Variants in SCAMP2 observed in about 807,000 individuals in gnomAD.
SCAMP2 encodes the protein secretory carrier membrane protein 2.
SCAMP2 carries 25 observed loss-of-function variants against 44.1 expected under a neutral mutation model. The observed-to-expected ratio is 0.57, with a 90% CI of 0.41 to 0.79. The LOEUF is 0.79. SCAMP2 is among the 30% of genes least tolerant of loss of function. SCAMP2 has a pLI of 0.00. For synonymous variants in SCAMP2, 156 were observed against 166.0 expected, an observed-to-expected ratio of 0.94 and a Z score of 0.46; for missense variants, 355 against 411.0, an observed-to-expected ratio of 0.86 and a Z score of 1.18.
At position 74,843,894 on chromosome 15, in the gene SCAMP2, G is replaced by A. The variant is rs1331095758; in HGVS notation, c.*1189C>T. The A allele has an allele frequency of 6.6e-6, 1 of 151,808 alleles. No individual in the cohort carries two copies. The highest frequency in any genetic ancestry group is 1.5e-5 in the Non-Finnish European group (1 of 67,792). 9.4% of individuals were successfully genotyped at this position (151,808 alleles called of 1,614,324 possible). ...TGCGGCTGTCTCGGGCCCAGAGCCG[G>A]AGGCTAGTTTTGTGGGAAGGCACCC... On this transcript the variant is annotated 3_prime_UTR_variant, in exon 9 of 9. Transcript: ENST00000268099.
chr15:74,869,322 A>C (rs892368585), intron 1 of SCAMP2, among the ~76,000 whole-genome samples: 2 of 152,132 alleles, frequency 1.3e-5, no homozygotes, highest in Admixed American at 1.3e-4. Context: ...AAAAAAACCA[A>C]TAATAAAAAA....
At chr15:74,854,207 G>GC in intron 2 of SCAMP2, 88 bp from the exon 3 acceptor site, 1 of 1,180,946 alleles carries the variant, frequency 8.5e-7, no homozygotes, top group South Asian at 1.3e-5. Flanking sequence ...TGAGTGATGT[G>GC]CCCCTGCCTG....
intron 3 of SCAMP2, chr15:74,852,856 G>C (rs971793435): frequency 2.0e-5 from 3 of 152,948 alleles, no homozygotes; most frequent in African/African-American, 4.8e-5. Flanking sequence ...GCGGGGTAGA[G>C]CCTCTGAGTA....
In SCAMP2 at chr15:74,846,328, C is replaced by G. The variant is rs560065271; in HGVS notation, c.735-735G>C. On this transcript the variant is annotated intron_variant, in intron 7 of 8. Coordinates refer to ENST00000268099, the MANE Select transcript of SCAMP2 (RefSeq NM_005697.5). Reference sequence around the variant, plus strand: ...GCTGTGGTCATACATGCCTATGCTCCCAGCTACTTGGGATGCTGAGGTAGG... The same window carrying G: ...GCTGTGGTCATACATGCCTATGCTCGCAGCTACTTGGGATGCTGAGGTAGG... Among the ~76,000 whole-genome samples the G allele has an allele frequency of 3.3e-5, 5 of 151,916 alleles. No individual in the cohort carries two copies. The South Asian group carries it at 1.0e-3, about 32-fold the overall frequency.
chr15:74,853,779 C>T (rs1050274374), intron 3 of SCAMP2: 13 of 562,026 alleles, frequency 2.3e-5, no homozygotes, highest in Admixed American at 6.2e-5. Context: ...CCGAGGAGCC[C>T]GGCCTGGTGA....
chr15:74,850,662 T>C lies in SCAMP2; in HGVS notation c.484A>G (p.Thr162Ala). Residue 162 changes from threonine to alanine, a missense_variant, in exon 6 of 9, where the codon ACT (threonine) becomes GCT (alanine). Physicochemically the swap from Thr to Ala is moderately conservative, Grantham distance 58. Coordinates refer to ENST00000268099, the MANE Select transcript of SCAMP2 (RefSeq NM_005697.5). ...LYYLWMLHSVTLFLNLLACLA... is the reference protein window; with the variant it reads ...LYYLWMLHSVALFLNLLACLA... ...CAGGCAAGCAGGTTCAGAAACAGAG[T>C]CACTGAATGCACTGGGGAAGGGGAC... 1 of 1,613,640 alleles carries C rather than the reference T, an allele frequency of 6.2e-7. No individual in the cohort carries two copies. The highest frequency in any genetic ancestry group is 8.5e-7 in the Non-Finnish European group (1 of 1,179,854).
intron 1 of SCAMP2, among the ~76,000 whole-genome samples, chr15:74,855,012 A>G (rs1045321265): frequency 1.4e-4 from 21 of 150,118 alleles, no homozygotes; most frequent in Non-Finnish European, 3.1e-4. Flanking sequence ...GCTGAGGGGC[A>G]AGTGAATGGG....
intron 6 of SCAMP2, among the ~76,000 whole-genome samples, chr15:74,849,609 T>A (rs1230395498): frequency 6.6e-6 from 1 of 151,808 alleles, no homozygotes; most frequent in Non-Finnish European, 1.5e-5. Context: ...CCAGGTGTGA[T>A]TGTGTGTGCC....
In SCAMP2 at chr15:74,863,674, A is replaced by G. The variant is rs77622487; in HGVS notation, c.58-9025T>C. Among the ~76,000 whole-genome samples, 138 of 152,312 alleles carry G rather than the reference A, an allele frequency of 9.1e-4. 3 individuals are homozygous for G. In the East Asian group the frequency reaches 0.025, roughly 28 times the overall value. On this transcript the variant is annotated intron_variant, in intron 1 of 8. Transcript: ENST00000268099. ...CAATCCTCTAAAGGAATCTACCCTC[A>G]AAATGGGACACTTACTATCTCCTCG...
chr15:74,851,560 G>A, intron 4 of SCAMP2, 79 bp from the exon 5 acceptor site: 1 of 1,573,942 alleles, frequency 6.4e-7, no homozygotes, highest in East Asian at 2.3e-5. Flanking sequence ...CCAGCATAGT[G>A]TATGGGCCAA....
At chr15:74,848,149 C>A (rs796396701) in intron 7 of SCAMP2, among the ~76,000 whole-genome samples, 2 of 151,736 alleles carry the variant, frequency 1.3e-5, no homozygotes, top group African/African-American at 4.8e-5. Flanking sequence ...CTCACTGCAG[C>A]CTCAACCTCC....
Position 74,850,544 on chromosome 15 carries a change from C to A in SCAMP2, c.602G>T (p.Cys201Phe). The A allele has an allele frequency of 6.2e-7, 1 of 1,614,086 alleles. No homozygotes were observed. Among genetic ancestry groups the A allele is most frequent in the Non-Finnish European group, 8.5e-7 (1 of 1,179,976 alleles). The change falls in exon 6 of 9, where the codon TGT (cysteine) becomes TTT (phenylalanine). Residue 201 changes from cysteine to phenylalanine, a missense_variant. Cys to Phe is a radical substitution (Grantham distance 205, BLOSUM62 -2). Transcript: ENST00000268099. The part of the protein sequence containing the change: ...FLIFTPCAFL[C>F]WYRPIYKAFR... ...GGCCTTATAGATGGGTCGGTACCAA[C>A]AAAGGAAGGCACAGGGAGTGAAGAT... is the stretch of plus-strand genomic sequence containing the variant.
At chr15:74,846,575 A>G (rs971948774) in intron 7 of SCAMP2, among the ~76,000 whole-genome samples, 22 of 152,212 alleles carry the variant, frequency 1.4e-4, no homozygotes, top group Non-Finnish European at 2.6e-4. Context: ...CATCCTGGCT[A>G]ACACAGTGAA....
In SCAMP2 at chr15:74,854,622, C is replaced by T. The variant is rs773484296; in HGVS notation, c.85G>A (p.Ala29Thr). The T allele has an allele frequency of 2.5e-6, 4 of 1,608,972 alleles. No homozygotes were observed. The highest frequency in any genetic ancestry group is 3.4e-6 in the Non-Finnish European group (4 of 1,177,832). ...AATTCCGCCAGGCCGCCCTGCGGGG[C>T]GTTGGTCAGCTGGGTCACAGAGGGA... ...QDPSVTQLTN[A>T]PQGGLAEFNP... The change falls in exon 2 of 9, where the codon GCC (alanine) becomes ACC (threonine). Residue 29 changes from alanine to threonine, a missense_variant. Transcript: ENST00000268099.
chr15:74,871,522 G>GC (rs2064575172), intron 1 of SCAMP2, among the ~76,000 whole-genome samples: 2 of 152,256 alleles, frequency 1.3e-5, no homozygotes, highest in Admixed American at 1.3e-4. Flanking sequence ...GGAGGCCGAG[G>GC]CAGGTGGATC....
Position 74,845,478 on chromosome 15 carries a change from G to A in SCAMP2, c.850C>T (p.Gln284Ter). 6.2e-7 allele frequency: 1 copy of A among 1,614,168 alleles called. No individual in the cohort carries two copies. Among genetic ancestry groups the A allele is most frequent in the Non-Finnish European group, 8.5e-7 (1 of 1,180,026 alleles). ...GCCCTGCCCACACCACTCACCCGCT[G>A]CAGGAGGAAGACTGAGAGCACGGCA... ...LCAVLSVFLL[Q>*]RVHSLYRRTG... Residue 284 changes from glutamine to a stop codon, truncating the protein, a stop_gained, in exon 8 of 9, where the codon CAG (glutamine) becomes TAG (stop). Coordinates refer to ENST00000268099, the MANE Select transcript of SCAMP2 (RefSeq NM_005697.5). LOFTEE classifies it high-confidence loss of function.
chr15:74,861,641 A>G (rs1244192987), intron 1 of SCAMP2, among the ~76,000 whole-genome samples: 4 of 152,254 alleles, frequency 2.6e-5, no homozygotes, highest in South Asian at 4.1e-4. Context: ...GCTCACGCCT[A>G]TAATCGCAGC....
intron 7 of SCAMP2, among the ~76,000 whole-genome samples, chr15:74,848,212 T>C (rs2064412083): frequency 6.6e-6 from 1 of 151,768 alleles, no homozygotes; most frequent in African/African-American, 2.4e-5. Context: ...GGACTATAGG[T>C]GCATGCCACT....
chr15:74,845,461 C>G lies in SCAMP2; in HGVS notation c.855+12G>C. Reference sequence around the variant, plus strand: ...CCTCCCATTTGCTGTCAGCCCTGCCCACACCACTCACCCGCTGCAGGAGGA... The same window carrying G: ...CCTCCCATTTGCTGTCAGCCCTGCCGACACCACTCACCCGCTGCAGGAGGA... On this transcript the variant is annotated intron_variant, in intron 8 of 8. Transcript: ENST00000268099. The G allele has an allele frequency of 1.9e-6, 3 of 1,614,076 alleles. No homozygotes were observed. Among genetic ancestry groups the G allele is most frequent in the Non-Finnish European group, 2.5e-6 (3 of 1,180,012 alleles).
Sources: gnomAD v4.1 joint callset for allele counts (sites outside exome capture counted in the v4.1 genomes callset) on GRCh38, gnomAD v4.1.1 for gene constraint, MANE v1.5 for transcripts, NCBI Gene and HGNC (gene_info 2026-07-23, HGNC 2026-07-21) for gene names.